The following LRP1 variants were observed in gnomAD, a reference collection of about 807,000 sequenced individuals.
The protein encoded by LRP1 is LDL receptor related protein 1, also known as prolow-density lipoprotein receptor-related protein 1.
Under a neutral mutation model 541.5 loss-of-function variants are expected in LRP1, and 51 were observed. The observed-to-expected ratio is 0.09, with a 90% CI of 0.08 to 0.12. The LOEUF is 0.12. Among genes scored for constraint, LRP1 ranks in the 10% least tolerant of loss-of-function variants. The pLI is 1.00. For synonymous variants in LRP1, 2,219 were observed against 2,470.8 expected (o/e 0.90, Z 3.02); for missense variants, 3,878 against 6,376.2 (o/e 0.61, Z 13.34).
intron 18 of LRP1, 61 bp from the exon 19 acceptor site, chr12:57,167,383 C>A: frequency 8.0e-7 from 1 of 1,243,556 alleles, no homozygotes; most frequent in Non-Finnish European, 1.2e-6. Flanking sequence ...ACTCACCTGC[C>A]CAGTACTGTG....
In LRP1 at chr12:57,173,039, G is replaced by T; in HGVS notation, c.3164-129G>T. On this transcript the variant is annotated intron_variant, in intron 20 of 88. Transcript: ENST00000243077. The surrounding 1 kb of genome is among the most constrained non-coding windows in gnomAD (Gnocchi z 4.7). ...CTTCCAAGGAGTGTCAGCAAAGCTT[G>T]GCAGACTCTCCAGGCCTGCCTCTGC... The T allele has an allele frequency of 1.5e-6, 1 of 688,448 alleles. No homozygotes were observed. The highest frequency in any genetic ancestry group is 2.4e-6 in the Non-Finnish European group (1 of 421,660). 42.6% of individuals were successfully genotyped at this position (688,448 alleles called of 1,614,324 possible).
intron 20 of LRP1, among the ~76,000 whole-genome samples, chr12:57,170,133 C>T (rs1320451164): frequency 6.6e-6 from 1 of 152,226 alleles, no homozygotes; most frequent in African/African-American, 2.4e-5. Context: ...GACCCGATCT[C>T]TGCCTTCATC....
intron 78 of LRP1, 58 bp downstream of exon 78, chr12:57,208,875 C>T (rs981403807): frequency 7.1e-7 from 1 of 1,410,996 alleles, no homozygotes; most frequent in Admixed American, 1.7e-5. Flanking sequence ...TCGCAGAGCC[C>T]AGCTGCTGCT....
At position 57,180,579 on chromosome 12, in the gene LRP1, C is replaced by T. The variant is rs879665420; in HGVS notation, c.5387-88C>T. The T allele has an allele frequency of 9.5e-5, 152 of 1,606,186 alleles. No individual in the cohort carries two copies. Among genetic ancestry groups the T allele is most frequent in the Middle Eastern group, 3.3e-4 (2 of 6,050 alleles). ...TGGGGCAGTCTCTCACCATGTGGGG[C>T]GGGCCTGATGACTTAGGGCCAATGG... On this transcript the variant is annotated intron_variant, in intron 32 of 88. Coordinates refer to ENST00000243077, the MANE Select transcript of LRP1 (RefSeq NM_002332.3).
intron 1 of LRP1, among the ~76,000 whole-genome samples, chr12:57,131,100 T>C (rs1405459068): frequency 6.6e-6 from 1 of 152,144 alleles, no homozygotes; most frequent in Admixed American, 6.5e-5. Context: ...TCCATCAACA[T>C]TGAACTTTCT....
In LRP1 at chr12:57,184,723, G is replaced by C; in HGVS notation, c.6187-116G>C. ...GAGTGTATGCAGGAGGCAGGAGTGA[G>C]TTAGGGGAGGCTGAACTGAGGGCCT... On this transcript the variant is annotated intron_variant, in intron 38 of 88. Coordinates refer to ENST00000243077, the MANE Select transcript of LRP1 (RefSeq NM_002332.3). The surrounding 1 kb of genome is among the most constrained non-coding windows in gnomAD (Gnocchi z 7.8). 8.4e-7 allele frequency: 1 copy of C among 1,186,036 alleles called. No individual in the cohort carries two copies. The highest frequency in any genetic ancestry group is 1.2e-6 in the Non-Finnish European group (1 of 844,698). 73.5% of individuals were successfully genotyped at this position (1,186,036 alleles called of 1,614,324 possible).
At chr12:57,196,699 G>C (rs900986293) in intron 55 of LRP1, among the ~76,000 whole-genome samples, 2 of 152,226 alleles carry the variant, frequency 1.3e-5, no homozygotes, top group Non-Finnish European at 2.9e-5. Flanking sequence ...AGGGAAGTGA[G>C]GGGACCAGCA....
At position 57,195,003 on chromosome 12, in the gene LRP1, C is replaced by A; in HGVS notation, c.8210C>A (p.Ala2737Asp). The A allele has an allele frequency of 6.2e-7, 1 of 1,613,970 alleles. No homozygotes were observed. The highest frequency in any genetic ancestry group is 8.5e-7 in the Non-Finnish European group (1 of 1,179,898). ...GCCCCAGACAAGTTCTGCTCAGAGGCCCAGTTTGAGTGCCAGAACCATCGC... is the reference window on the plus strand; with the variant it reads ...GCCCCAGACAAGTTCTGCTCAGAGGACCAGTTTGAGTGCCAGAACCATCGC... ...ETHCNKFCSE[A>D]QFECQNHRCI... is the part of the protein sequence containing the mutation. The change falls in exon 51 of 89, where the codon GCC (alanine) becomes GAC (aspartate). Residue 2737 changes from alanine (A) to aspartate (D), a missense_variant. Coordinates refer to ENST00000243077, the MANE Select transcript of LRP1 (RefSeq NM_002332.3).
chr12:57,188,469 C>T (rs958042843), intron 42 of LRP1, among the ~76,000 whole-genome samples: 2 of 152,190 alleles, frequency 1.3e-5, no homozygotes, highest in Non-Finnish European at 2.9e-5. Context: ...CCCTCTGTTT[C>T]CTCCTGCCTC....
At chr12:57,145,857 G>A (rs1363068313) in intron 6 of LRP1, among the ~76,000 whole-genome samples, 1 of 152,168 alleles carries the variant, frequency 6.6e-6, no homozygotes, top group Non-Finnish European at 1.5e-5. Context: ...GCGGAAGCCT[G>A]AGGTGCCCTG....
intron 41 of LRP1, among the ~76,000 whole-genome samples, chr12:57,186,826 T>G (rs1436935431): frequency 1.3e-5 from 2 of 152,266 alleles, no homozygotes; most frequent in East Asian, 1.9e-4. Context: ...TGTTCGGCTG[T>G]GTCTCTCACT....
At chr12:57,129,174 G>C in intron 1 of LRP1, 143 bp downstream of exon 1, 1 of 892,622 alleles carries the variant, frequency 1.1e-6, no homozygotes, top group Admixed American at 2.2e-5. Context: ...CGGCCCGACT[G>C]GGGGCGGGGA....
rs780494650 is a variant in LRP1, at chr12:57,179,280, G to A, written c.4739-49G>A. On this transcript the variant is annotated intron_variant, in intron 28 of 88. Coordinates refer to ENST00000243077, the MANE Select transcript of LRP1 (RefSeq NM_002332.3). This position sits in a 1 kb window ranked among gnomAD's most constrained non-coding sequence, Gnocchi z 6.8. ...GCAGGGCCTGAAACCGGATTGGTGG[G>A]AAGCACAGAGGCAGGGACTGCCTTC... The A allele has an allele frequency of 1.4e-6, 2 of 1,438,622 alleles. No individual in the cohort carries two copies. Among genetic ancestry groups the A allele is most frequent in the African/African-American group, 1.4e-5 (1 of 71,290 alleles). The allele number at this position is 1,438,622 out of a possible 1,614,324, so 89.1% of individuals were successfully genotyped here.
chr12:57,164,409 T>C (rs1353856828), intron 15 of LRP1: 2 of 152,232 alleles, frequency 1.3e-5, no homozygotes, highest in South Asian at 2.1e-4. Flanking sequence ...GCATTTTTAA[T>C]GGCTAAAATA....
chr12:57,188,940 T>C (rs914371448), intron 42 of LRP1, among the ~76,000 whole-genome samples: 1 of 152,146 alleles, frequency 6.6e-6, no homozygotes, highest in African/African-American at 2.4e-5. Context: ...GCCCTCCCCC[T>C]GGCCACAAGG....
At position 57,201,257 on chromosome 12, in the gene LRP1, G is replaced by C; in HGVS notation, c.10345+104G>C. Reference sequence around the variant, plus strand: ...GAGAGGCTCTCAAATAACTTTAGTAGATGGGCAACACAAATTATATTGGGT... The same window carrying C: ...GAGAGGCTCTCAAATAACTTTAGTACATGGGCAACACAAATTATATTGGGT... On this transcript the variant is annotated intron_variant, in intron 65 of 88. Coordinates refer to ENST00000243077, the MANE Select transcript of LRP1 (RefSeq NM_002332.3). The surrounding 1 kb of genome is among the most constrained non-coding windows in gnomAD (Gnocchi z 6.4). The C allele has an allele frequency of 6.5e-7, 1 of 1,531,590 alleles. No homozygotes were observed. Among genetic ancestry groups the C allele is most frequent in the Non-Finnish European group, 8.9e-7 (1 of 1,119,258 alleles). 94.9% of individuals were successfully genotyped at this position (1,531,590 alleles called of 1,614,324 possible).
rs776593342 is a variant in LRP1, at chr12:57,204,703, C to T, written c.11148C>T (p.Cys3716=). Residue 3716 remains cysteine (C), a synonymous_variant, in exon 72 of 89, where the codon TGC becomes TGT. Transcript: ENST00000243077. This position sits in a 1 kb window ranked among gnomAD's most constrained non-coding sequence, Gnocchi z 5.3. The part of the protein sequence containing the change: ...DRVCLWIGRQ[C]DGTDNCGDGT... ...TCTGTCTGTGGATCGGGCGCCAATG[C>T]GATGGCACGGACAACTGTGGGGATG... is the stretch of plus-strand genomic sequence containing the variant. The T allele has an allele frequency of 4.3e-6, 7 of 1,613,930 alleles. No individual in the cohort carries two copies. Among genetic ancestry groups the T allele is most frequent in the East Asian group, 4.5e-5 (2 of 44,898 alleles).
intron 44 of LRP1, among the ~76,000 whole-genome samples, chr12:57,191,969 A>ACAC: frequency 1.2e-5 from 1 of 80,230 alleles, no homozygotes; most frequent in African/African-American, 5.0e-5. Context: ...TACACACACC[A>ACAC]CACATGACAC....
intron 42 of LRP1, among the ~76,000 whole-genome samples, chr12:57,188,093 A>T (rs2036303496): frequency 6.6e-6 from 1 of 152,222 alleles, no homozygotes; most frequent in Non-Finnish European, 1.5e-5. Flanking sequence ...GAGCCCAGCC[A>T]GGAAGTGAGG....
Sources: gnomAD v4.1 joint callset for allele counts (sites outside exome capture counted in the v4.1 genomes callset) on GRCh38, gnomAD v4.1.1 for gene constraint, Gnocchi (gnomAD v3.1) non-coding constraint, MANE v1.5 for transcripts, NCBI Gene and HGNC (gene_info 2026-07-23, HGNC 2026-07-21) for gene names.